Variants in RNF43 observed in about 807,000 individuals in gnomAD.
RNF43 encodes the protein ring finger protein 43.
A neutral mutation model predicts 78.4 loss-of-function variants in RNF43; 37 were observed. That is an observed-to-expected ratio of 0.47 (90% CI 0.36 to 0.62). The LOEUF (loss-of-function observed/expected upper bound fraction) is 0.62. Ranked by LOEUF, RNF43 falls within the 20% of genes least tolerant of loss-of-function variation. RNF43 has a pLI of 0.00. For synonymous variants in RNF43, 347 were observed against 395.0 expected (o/e 0.88, Z 1.44); for missense variants, 774 against 1,007.9 (o/e 0.77, Z 3.14).
rs2143693792 is a variant in RNF43 at position 58,415,309 on chromosome 17, A to G, written c.252+17T>C. ...TTCAAACAGATGGAAAGTGAAATATAATAAAGTTATACTTGCCTGCATTAA... is the reference window on the plus strand; with the variant it reads ...TTCAAACAGATGGAAAGTGAAATATGATAAAGTTATACTTGCCTGCATTAA... On this transcript the variant is annotated intron_variant, in intron 2 of 9. Transcript: ENST00000407977. The G allele has an allele frequency of 6.2e-7, 1 of 1,613,736 alleles. No individual in the cohort carries two copies. The highest frequency in any genetic ancestry group is 8.5e-7 in the Non-Finnish European group (1 of 1,179,648).
At chr17:58,380,512 C>G (rs1973290883) in intron 2 of RNF43, among the ~76,000 whole-genome samples, 1 of 152,174 alleles carries the variant, frequency 6.6e-6, no homozygotes, top group African/African-American at 2.4e-5. Flanking sequence ...CCTGTTCCAG[C>G]CAAGCTCACA....
chr17:58,406,993 T>C (rs1034904682), intron 2 of RNF43, among the ~76,000 whole-genome samples: 7 of 151,742 alleles, frequency 4.6e-5, no homozygotes, highest in African/African-American at 1.5e-4. Flanking sequence ...CAGGGTATTC[T>C]AGATTTAAAG....
chr17:58,379,967 G>A (rs952261956), intron 2 of RNF43, among the ~76,000 whole-genome samples: 8 of 152,168 alleles, frequency 5.3e-5, no homozygotes, highest in East Asian at 1.9e-4. Context: ...GAGGGAGCCC[G>A]TCAAATATCA....
intron 2 of RNF43, among the ~76,000 whole-genome samples, chr17:58,383,140 A>G (rs1973357493): frequency 6.6e-6 from 1 of 152,220 alleles, no homozygotes; most frequent in Admixed American, 6.5e-5. Context: ...AAGTTCTGGG[A>G]AAGCTTAGAA....
At chr17:58,366,197 C>A (rs1042402551) in intron 3 of RNF43, among the ~76,000 whole-genome samples, 1 of 152,210 alleles carries the variant, frequency 6.6e-6, no homozygotes, top group East Asian at 1.9e-4. Context: ...AGCTTCCAGA[C>A]CTTTTTTCAC....
intron 2 of RNF43, 102 bp from the exon 3 acceptor site, chr17:58,371,135 TCTCTTGGTGCTGTAA>T (rs2143518287): frequency 1.6e-6 from 2 of 1,222,810 alleles, no homozygotes; most frequent in East Asian, 5.2e-5. Flanking sequence ...ACCAGGCAGG[TCTCTTGGTGCTGTAA>T]AAGAGTAGGC....
At chr17:58,388,459 C>T (rs1973481054) in intron 2 of RNF43, among the ~76,000 whole-genome samples, 1 of 152,168 alleles carries the variant, frequency 6.6e-6, no homozygotes, top group South Asian at 2.1e-4. Context: ...CCACTGAGTA[C>T]AATGCTGGAT....
rs2143465978 is a variant in RNF43, at chr17:58,363,261, T to C, written c.582+14A>G. ...CTAAGTGCAGGGCAAGGTCTGGAGG[T>C]CTAGTGTGCTTACCCAGGCCGGGGG... On this transcript the variant is annotated intron_variant, in intron 5 of 9. Coordinates refer to ENST00000407977, the MANE Select transcript of RNF43 (RefSeq NM_017763.6). 6.2e-7 allele frequency: 1 copy of C among 1,612,354 alleles called. No individual in the cohort carries two copies. Among genetic ancestry groups the C allele is most frequent in the Non-Finnish European group, 8.5e-7 (1 of 1,179,904 alleles).
intron 2 of RNF43, among the ~76,000 whole-genome samples, chr17:58,405,068 CTTTTTTTT>C (rs35147601): frequency 4.0e-4 from 32 of 79,622 alleles, no homozygotes; most frequent in Admixed American, 2.8e-3. Flanking sequence ...TGTAGTACTT[CTTTTTTTT>C]TTTTTTTTTT....
intron 2 of RNF43, among the ~76,000 whole-genome samples, chr17:58,393,304 C>T (rs889932098): frequency 6.6e-5 from 10 of 151,852 alleles, no homozygotes; most frequent in African/African-American, 9.7e-5. Flanking sequence ...CTACTTGGAA[C>T]GCTGAGGCAG....
chr17:58,352,812 A>C (rs1972587482), downstream of RNF43: 2 of 219,654 alleles, frequency 9.1e-6, no homozygotes, highest in Admixed American at 5.8e-5. Context: ...TACTTTGCGC[A>C]GTTCTTAGCG....
Position 58,415,408 on chromosome 17 carries a change from G to C in RNF43, c.170C>G (p.Pro57Arg), listed in dbSNP as rs1260651838. 1 of 1,614,076 alleles carries C rather than the reference G, an allele frequency of 6.2e-7. No individual in the cohort carries two copies. Among genetic ancestry groups the C allele is most frequent in the Non-Finnish European group, 8.5e-7 (1 of 1,180,010 alleles). ...CAAAGTGAGATTCAGTTTTCCTGTG[G>C]GGTCCATTTTCAAGGGGATCACTCT... is the stretch of plus-strand genomic sequence containing the variant. ...IIRVIPLKMD[P>R]TGKLNLTLEG... Residue 57 changes from proline to arginine, a missense_variant, in exon 2 of 10, where the codon CCC (proline) becomes CGC (arginine). Coordinates refer to ENST00000407977, the MANE Select transcript of RNF43 (RefSeq NM_017763.6).
At chr17:58,397,558 G>A (rs907425839) in intron 2 of RNF43, among the ~76,000 whole-genome samples, 34 of 152,000 alleles carry the variant, frequency 2.2e-4, no homozygotes, top group Non-Finnish European at 5.9e-5. Flanking sequence ...AACTACTCAG[G>A]AGGCTGAGGC....
chr17:58,415,964 T>C lies in RNF43; in HGVS notation c.-385-2A>G. The C allele has an allele frequency of 3.2e-6, 1 of 310,032 alleles. No homozygotes were observed. The highest frequency in any genetic ancestry group is 5.3e-5 in the South Asian group (1 of 18,864). 19.2% of individuals were successfully genotyped at this position (310,032 alleles called of 1,614,324 possible). A position where few individuals can be genotyped will look rare whatever the true frequency, so the allele number is the denominator to read the frequency against. ...CCATATGCATCAAGTTGCCAGGCACTAAACCCAATGTTCATGAACAAAACA... is the reference window on the plus strand; with the variant it reads ...CCATATGCATCAAGTTGCCAGGCACCAAACCCAATGTTCATGAACAAAACA... On this transcript the variant is annotated splice_acceptor_variant, in intron 1 of 9. Coordinates refer to ENST00000407977, the MANE Select transcript of RNF43 (RefSeq NM_017763.6). LOFTEE classifies it low-confidence loss of function (5UTR_SPLICE).
At position 58,370,936 on chromosome 17, in the gene RNF43, C is replaced by A. The variant is rs2257205; in HGVS notation, c.350G>T (p.Arg117Leu). The change falls in exon 3 of 10, where the codon CGC becomes CTC. Residue 117 changes from arginine (R) to leucine (L), a missense_variant. Arg to Leu is a moderately radical substitution (Grantham distance 102, BLOSUM62 -2). Coordinates refer to ENST00000407977, the MANE Select transcript of RNF43 (RefSeq NM_017763.6). The stretch of plus-strand genomic sequence containing the variant: ...CTTGCTAGCCAGTGACAGGCAGGGG[C>A]GGGGGGCCCGTCGAGGACTCTCCAG... ...VKLESPRRAP[R>L]PCLSLASKAR... 6.2e-7 allele frequency: 1 copy of A among 1,605,746 alleles called. No individual in the cohort carries two copies. Among genetic ancestry groups the A allele is most frequent in the Non-Finnish European group, 8.5e-7 (1 of 1,175,456 alleles).
chr17:58,411,613 A>T (rs1272185911), intron 2 of RNF43, among the ~76,000 whole-genome samples: 1 of 152,170 alleles, frequency 6.6e-6, no homozygotes, highest in Non-Finnish European at 1.5e-5. Flanking sequence ...TCATAACTTT[A>T]TCCTGGAGTC....
At chr17:58,399,643 A>ATTT (rs1370117543) in intron 2 of RNF43, among the ~76,000 whole-genome samples, 1 of 142,686 alleles carries the variant, frequency 7.0e-6, no homozygotes, top group Non-Finnish European at 1.5e-5. Context: ...AGTAGCAGCA[A>ATTT]TTTTTTTTTT....
intron 2 of RNF43, 100 bp downstream of exon 2, chr17:58,415,226 A>T (rs139648615): frequency 8.0e-7 from 1 of 1,248,180 alleles, no homozygotes; most frequent in Non-Finnish European, 1.1e-6. Context: ...ATAGAAAGCT[A>T]AGCAGTAGAA....
chr17:58,388,382 T>C (rs1295998264), intron 2 of RNF43, among the ~76,000 whole-genome samples: 9 of 152,142 alleles, frequency 5.9e-5, no homozygotes, highest in Non-Finnish European at 1.2e-4. Flanking sequence ...CCCAAACCCT[T>C]TGTGACACGG....
Sources: allele counts gnomAD v4.1 joint callset (sites outside exome capture counted in the v4.1 genomes callset), GRCh38; gene constraint gnomAD v4.1.1; transcripts MANE v1.5; gene names NCBI Gene and HGNC (gene_info 2026-07-23, HGNC 2026-07-21).